Variants in CTNND2 observed in about 807,000 individuals in gnomAD.
The protein encoded by CTNND2 is catenin delta-2.
In CTNND2, 22 loss-of-function variants were observed where a neutral mutation model predicts 144.4. The ratio of observed to expected loss-of-function variants is 0.15; its 90% CI spans 0.11 to 0.22. CTNND2 has a LOEUF of 0.22. Ranked by LOEUF, CTNND2 falls within the 10% of genes least tolerant of loss-of-function variation. CTNND2 has a pLI of 1.00. For synonymous variants in CTNND2, 751 were observed against 695.6 expected, an observed-to-expected ratio of 1.08 and a Z score of -1.25; for missense variants, 1,353 against 1,618.8, an observed-to-expected ratio of 0.84 and a Z score of 2.82.
At chr5:11,801,650 G>T (rs1308843637) in intron 1 of CTNND2, among the ~76,000 whole-genome samples, 5 of 151,842 alleles carry the variant, frequency 3.3e-5, no homozygotes, top group Non-Finnish European at 7.4e-5. Flanking sequence ...TTTTGTATAT[G>T]CTTATATGCC....
chr5:11,832,092 G>A (rs891328319), intron 1 of CTNND2, among the ~76,000 whole-genome samples: 11 of 151,952 alleles, frequency 7.2e-5, no homozygotes, highest in African/African-American at 2.7e-4. Flanking sequence ...GACCATCCTG[G>A]CTAACATGGT....
In CTNND2 at chr5:11,141,695, G is replaced by A. The variant is rs967554500; in HGVS notation, c.2159+17881C>T. Among the ~76,000 whole-genome samples, 5 of 152,186 alleles carry A rather than the reference G, an allele frequency of 3.3e-5. 1 individual carries two copies. The highest frequency in any genetic ancestry group is 1.2e-4 in the African/African-American group (5 of 41,442). On this transcript the variant is annotated intron_variant, in intron 12 of 21. Transcript: ENST00000304623. ...TTAGGCCAGCTGTGTCTGCACTCAG[G>A]AGCCCAGGTTGGCAGCAGACAGCCC...
intron 2 of CTNND2, among the ~76,000 whole-genome samples, chr5:11,632,292 A>G (rs2126471724): frequency 6.6e-6 from 1 of 152,272 alleles, no homozygotes; most frequent in East Asian, 1.9e-4. Context: ...AAATAAAAAG[A>G]GACAGTGAGA....
intron 3 of CTNND2, among the ~76,000 whole-genome samples, chr5:11,448,301 T>C (rs1165615737): frequency 6.6e-6 from 1 of 152,188 alleles, no homozygotes; most frequent in Non-Finnish European, 1.5e-5. Context: ...TGTTATATAA[T>C]TACTTTAAAT....
At chr5:10,975,897 T>C (rs1174989908) in intron 21 of CTNND2, among the ~76,000 whole-genome samples, 1 of 152,242 alleles carries the variant, frequency 6.6e-6, no homozygotes, top group Non-Finnish European at 1.5e-5. Flanking sequence ...TTGCTTTGAC[T>C]GTTGTCATGT....
At chr5:11,772,798 T>C (rs1290155858) in intron 1 of CTNND2, among the ~76,000 whole-genome samples, 1 of 152,220 alleles carries the variant, frequency 6.6e-6, no homozygotes, top group Non-Finnish European at 1.5e-5. Context: ...TTGAAAATAC[T>C]GCATCAGAAT....
chr5:11,827,706 G>A (rs1488630920), intron 1 of CTNND2, among the ~76,000 whole-genome samples: 1 of 152,136 alleles, frequency 6.6e-6, no homozygotes, highest in African/African-American at 2.4e-5. Context: ...CAAACTCCTT[G>A]AGAGACACAA....
At chr5:11,314,848 CA>C (rs946974765) in intron 9 of CTNND2, among the ~76,000 whole-genome samples, 105 of 152,104 alleles carry the variant, frequency 6.9e-4, no homozygotes, top group African/African-American at 1.3e-3. Context: ...ATGGGGTAGC[CA>C]GGGGTGGCTG....
rs139974860 is a variant in CTNND2, at chr5:11,356,500, G to C, written c.1372+8196C>G. 2.0e-4 allele frequency among the ~76,000 whole-genome samples: 30 copies of C among 152,118 alleles called. No individual in the cohort carries two copies. The East Asian group carries it at 4.4e-3, about 23-fold the overall frequency. On this transcript the variant is annotated intron_variant, in intron 8 of 21. Transcript: ENST00000304623. ...CTGAGAAAACTGATATCCACATGCA[G>C]AGAATGAGACTAGACTCCTAATTCT...
chr5:11,862,038 GGTT>G (rs1332788077), intron 1 of CTNND2, among the ~76,000 whole-genome samples: 3 of 151,982 alleles, frequency 2.0e-5, no homozygotes, highest in Admixed American at 1.3e-4. Context: ...CTTGCTCTGT[GGTT>G]TTCTATAGCA....
chr5:11,294,863 G>A lies in CTNND2; in HGVS notation c.1628+51509C>T, dbSNP rs181456815. Among the ~76,000 whole-genome samples, 352 of 151,996 alleles carry A rather than the reference G, an allele frequency of 2.3e-3. 1 individual carries two copies. Among genetic ancestry groups the A allele is most frequent in the African/African-American group, 7.6e-3 (315 of 41,434 alleles). On this transcript the variant is annotated intron_variant, in intron 9 of 21. Coordinates refer to ENST00000304623, the MANE Select transcript of CTNND2 (RefSeq NM_001332.4). ...AATAAGAGCTATCTATGACAAACCCGCAGCCAATATCATACTGAATGGGCA... is the reference window on the plus strand; with the variant it reads ...AATAAGAGCTATCTATGACAAACCCACAGCCAATATCATACTGAATGGGCA...
chr5:11,565,032 G>A lies in CTNND2; in HGVS notation c.199C>T (p.Arg67Ter), dbSNP rs1027521829. 6.2e-7 allele frequency: 1 copy of A among 1,613,764 alleles called. No individual in the cohort carries two copies. The highest frequency in any genetic ancestry group is 1.3e-5 in the African/African-American group (1 of 74,926). Residue 67 changes from arginine (R) to a stop codon, truncating the protein, a stop_gained, in exon 3 of 22, where the codon CGA becomes TGA. Coordinates refer to ENST00000304623, the MANE Select transcript of CTNND2 (RefSeq NM_001332.4). LOFTEE classifies it high-confidence loss of function. ...ATCTGCCGTTCAGCCTCCAGCTCTCGGGTCAGCCTTTCAAACTGTAATTCC... is the reference window on the plus strand; with the variant it reads ...ATCTGCCGTTCAGCCTCCAGCTCTCAGGTCAGCCTTTCAAACTGTAATTCC... ...EQELQFERLT[R>*]ELEAERQIVA... is the part of the protein sequence containing the mutation.
At chr5:11,457,160 G>C (rs2149925561) in intron 3 of CTNND2, among the ~76,000 whole-genome samples, 1 of 152,220 alleles carries the variant, frequency 6.6e-6, no homozygotes, top group East Asian at 1.9e-4. Context: ...CTTGCACTTT[G>C]AGAGGCTGAA....
intron 16 of CTNND2, among the ~76,000 whole-genome samples, chr5:11,046,838 A>G (rs1253802064): frequency 6.6e-6 from 1 of 152,226 alleles, no homozygotes; most frequent in Admixed American, 6.5e-5. Context: ...ACAAAACAAA[A>G]CAAAACAAAA....
At chr5:11,043,483 A>G (rs555595659) in intron 16 of CTNND2, among the ~76,000 whole-genome samples, 2 of 152,214 alleles carry the variant, frequency 1.3e-5, no homozygotes, top group African/African-American at 4.8e-5. Context: ...AAAAAAAATC[A>G]GTAACTGTAT....
chr5:11,441,403 GA>G (rs1764248979), intron 3 of CTNND2, among the ~76,000 whole-genome samples: 1 of 112,360 alleles, frequency 8.9e-6, no homozygotes, highest in African/African-American at 3.6e-5. Context: ...TTTAAAGACA[GA>G]TTCTCACTTT....
intron 12 of CTNND2, among the ~76,000 whole-genome samples, chr5:11,150,452 T>C (rs1156334823): frequency 6.6e-6 from 1 of 152,040 alleles, no homozygotes; most frequent in Non-Finnish European, 1.5e-5. Flanking sequence ...GGAAACTAAA[T>C]TTGATTTCAA....
intron 1 of CTNND2, among the ~76,000 whole-genome samples, chr5:11,859,440 T>C (rs1244451715): frequency 1.3e-5 from 2 of 152,200 alleles, no homozygotes; most frequent in Admixed American, 6.5e-5. Context: ...CTAATGATTA[T>C]AAAATTATTG....
chr5:11,419,280 T>A (rs1359588446), intron 3 of CTNND2, among the ~76,000 whole-genome samples: 1 of 152,090 alleles, frequency 6.6e-6, no homozygotes, highest in Non-Finnish European at 1.5e-5. Context: ...TAAAAATATC[T>A]TTGATACTTG....
Sources: gnomAD v4.1 joint callset for allele counts (sites outside exome capture counted in the v4.1 genomes callset) on GRCh38, gnomAD v4.1.1 for gene constraint, MANE v1.5 for transcripts, NCBI Gene and HGNC (gene_info 2026-07-23, HGNC 2026-07-21) for gene names.